CRLF1: variants seen among roughly 807,000 people sequenced by gnomAD.
The protein encoded by CRLF1 is cytokine receptor like factor 1.
Under a neutral mutation model 48.9 loss-of-function variants are expected in CRLF1, and 36 were observed. The ratio of observed to expected loss-of-function variants is 0.74; its 90% CI spans 0.56 to 0.97. The LOEUF is 0.97. Ranked by LOEUF, CRLF1 falls within the 50% of genes least tolerant of loss-of-function variation. CRLF1 has a pLI of 0.00. For missense variants in CRLF1, 534 were observed against 575.1 expected, an observed-to-expected ratio of 0.93 and a Z score of 0.73; for synonymous variants, 256 against 253.4, an observed-to-expected ratio of 1.01 and a Z score of -0.10.
At chr19:18,594,612 C>T (rs1976105821) in intron 6 of CRLF1, among the ~76,000 whole-genome samples, 178 bp from the exon 7 acceptor site, 1 of 151,758 alleles carries the variant, frequency 6.6e-6, no homozygotes, top group Non-Finnish European at 1.5e-5. Context: ...GCCCCTGGCC[C>T]GGCTGCGCCC....
chr19:18,604,811 C>T (rs1353529490), intron 1 of CRLF1, among the ~76,000 whole-genome samples: 1 of 152,222 alleles, frequency 6.6e-6, no homozygotes, highest in Admixed American at 6.5e-5. Context: ...CTCCCTGCCT[C>T]CCCTCCTTTC....
rs1245219503 is a variant in CRLF1 at position 18,593,355 on chromosome 19, C to T, written c.*211G>A. On this transcript the variant is annotated 3_prime_UTR_variant, in exon 9 of 9. Coordinates refer to ENST00000392386, the MANE Select transcript of CRLF1 (RefSeq NM_004750.5). ...AGGGGTTCTAGGCAACTCAACCAACCCTCACACACACACACACACCCACTG... is the reference window on the plus strand; with the variant it reads ...AGGGGTTCTAGGCAACTCAACCAACTCTCACACACACACACACACCCACTG... 1.6e-6 allele frequency: 1 copy of T among 637,410 alleles called. No homozygotes were observed. The highest frequency in any genetic ancestry group is 2.8e-5 in the East Asian group (1 of 35,610). 39.5% of individuals were successfully genotyped at this position (637,410 alleles called of 1,614,324 possible).
rs7247346 is a variant in CRLF1, at chr19:18,597,068, A to C, written c.698-19T>G. 0.66 allele frequency: 1,064,888 copies of C among 1,607,734 alleles called. 356,548 individuals are homozygous for C. The highest frequency in any genetic ancestry group is 0.92 in the African/African-American group (68,693 of 74,876). On this transcript the variant is annotated intron_variant, in intron 4 of 8. Transcript: ENST00000392386. Reference sequence around the variant, plus strand: ...GTGGTCACTGCGGGGCAGAGGAGGGACCCTCTCAGCCTGGGACTGTCTGGG... The same window carrying C: ...GTGGTCACTGCGGGGCAGAGGAGGGCCCCTCTCAGCCTGGGACTGTCTGGG...
intron 2 of CRLF1, 85 bp downstream of exon 2, chr19:18,599,480 C>T: frequency 6.3e-7 from 1 of 1,580,748 alleles, no homozygotes; most frequent in Non-Finnish European, 8.7e-7. Context: ...ATCCCCAGGC[C>T]AGAAGGCCCA....
Position 18,598,818 on chromosome 19 carries a change from C to A in CRLF1, c.481G>T (p.Gly161Trp), listed in dbSNP as rs141162071. ...LTCRWTPGAH[G>W]ETFLHTNYSL... ...TAGTTGGTGTGGAGGAAGGTCTCCC[C>A]GTGGGCCCCTGGCGTCCAGCGGCAG... The change falls in exon 3 of 9, where the codon GGG (glycine) becomes TGG (tryptophan). Residue 161 changes from glycine to tryptophan, a missense_variant. Coordinates refer to ENST00000392386, the MANE Select transcript of CRLF1 (RefSeq NM_004750.5). 7.9e-5 allele frequency: 127 copies of A among 1,613,962 alleles called. No homozygotes were observed. The highest frequency in any genetic ancestry group is 9.2e-5 in the Non-Finnish European group (109 of 1,179,996).
rs1976179407 is a variant in CRLF1, at chr19:18,598,802, T to C, written c.497A>G (p.His166Arg). The C allele has an allele frequency of 9.3e-6, 15 of 1,613,892 alleles. No homozygotes were observed. Among genetic ancestry groups the C allele is most frequent in the African/African-American group, 4.0e-5 (3 of 74,938 alleles). Residue 166 changes from histidine to arginine, a missense_variant, in exon 3 of 9, where the codon CAC becomes CGC. His to Arg is a conservative substitution (Grantham distance 29). Around this residue, in one of 2 missense-constraint regions of CRLF1, gnomAD observed 528 missense variants for 555.7 expected, o/e 0.95. Transcript: ENST00000392386. Reference protein sequence around the residue: ...TPGAHGETFLHTNYSLKYKLR... With the variant: ...TPGAHGETFLRTNYSLKYKLR... ...CTTGTACTTGAGGGAGTAGTTGGTG[T>C]GGAGGAAGGTCTCCCCGTGGGCCCC...
chr19:18,597,879 G>C (rs1976162893), intron 4 of CRLF1, among the ~76,000 whole-genome samples: 1 of 152,022 alleles, frequency 6.6e-6, no homozygotes, highest in Non-Finnish European at 1.5e-5. Flanking sequence ...TACAACCCAG[G>C]CGTATGTGTG....
rs1437427055 is a variant in CRLF1, at chr19:18,606,486, G to C, written c.115+56C>G. The C allele has an allele frequency of 2.7e-6, 3 of 1,096,542 alleles. No homozygotes were observed. Among genetic ancestry groups the C allele is most frequent in the Admixed American group, 5.3e-5 (1 of 18,978 alleles). 67.9% of individuals were successfully genotyped at this position (1,096,542 alleles called of 1,614,324 possible). A position where few individuals can be genotyped will look rare whatever the true frequency, so the allele number is the denominator to read the frequency against. ...GCCCCCTCCCCCCGCGGCTGCCCCCGGGGCGCCCGCCCTCTGCTCTGGCAG... is the reference window on the plus strand; with the variant it reads ...GCCCCCTCCCCCCGCGGCTGCCCCCCGGGCGCCCGCCCTCTGCTCTGGCAG... On this transcript the variant is annotated intron_variant, in intron 1 of 8. Transcript: ENST00000392386. This position sits in a 1 kb window ranked among gnomAD's most constrained non-coding sequence, Gnocchi z 4.8.
intron 8 of CRLF1, 36 bp downstream of exon 8, chr19:18,594,029 T>TGCGGGG (rs1976092374): frequency 2.6e-5 from 35 of 1,366,602 alleles, no homozygotes; most frequent in East Asian, 5.1e-5. Flanking sequence ...GCCCTCCCCT[T>TGCGGGG]GCTCCCTCCC....
At chr19:18,595,594 C>T (rs1434099830) in intron 6 of CRLF1, among the ~76,000 whole-genome samples, 2 of 152,248 alleles carry the variant, frequency 1.3e-5, no homozygotes, top group African/African-American at 4.8e-5. Context: ...TACCTCCATG[C>T]CAACTGCCTG....
At chr19:18,602,336 C>T (rs922005854) in intron 1 of CRLF1, among the ~76,000 whole-genome samples, 2 of 152,128 alleles carry the variant, frequency 1.3e-5, no homozygotes, top group Non-Finnish European at 2.9e-5. Context: ...TGGCTGGGTG[C>T]GGTGGCTCAT....
In CRLF1 at chr19:18,594,355, C is replaced by T; in HGVS notation, c.1104G>A (p.Lys368=). The change falls in exon 7 of 9, where the codon AAG becomes AAA. Residue 368 remains lysine (K), a synonymous_variant. Transcript: ENST00000392386. ...GCTTCTTGAGCCAGCCCAGGAACTG[C>T]TTGAGCTCGCGCCGCACCGGCCCCG... ...PSSGPVRREL[K]QFLGWLKKHA... 6.2e-7 allele frequency: 1 copy of T among 1,611,070 alleles called. No homozygotes were observed. The highest frequency in any genetic ancestry group is 8.5e-7 in the Non-Finnish European group (1 of 1,179,190).
Position 18,599,620 on chromosome 19 carries a change from G to A in CRLF1, c.342C>T (p.Leu114=), listed in dbSNP as rs139923667. The A allele has an allele frequency of 5.3e-5, 85 of 1,613,318 alleles. No homozygotes were observed. The highest frequency in any genetic ancestry group is 1.7e-4 in the Middle Eastern group (1 of 5,952). Residue 114 remains leucine, a synonymous_variant, in exon 2 of 9, where the codon CTC becomes CTT. Coordinates refer to ENST00000392386, the MANE Select transcript of CRLF1 (RefSeq NM_004750.5). Reference sequence around the variant, plus strand: ...TGCTGCCGTCACGGGCGTGGCACACGAGGTTGTCCCCCGACCGCTGCCTGG... The same window carrying A: ...TGCTGCCGTCACGGGCGTGGCACACAAGGTTGTCCCCCGACCGCTGCCTGG... ...NGSRQRSGDN[L]VCHARDGSIL...
Position 18,596,727 on chromosome 19 carries a change from A to G in CRLF1, c.919T>C (p.Tyr307His). The stretch of plus-strand genomic sequence containing the variant: ...GGGTTGCAGCGCACTTGCACGAAGT[A>G]CACGGTGCCGGGTTTCAGGCCGGCC... ...RLAGLKPGTVYFVQVRCNPFG... is the reference protein window; with the variant it reads ...RLAGLKPGTVHFVQVRCNPFG... The change falls in exon 6 of 9, where the codon TAC becomes CAC. Residue 307 changes from tyrosine to histidine, a missense_variant. Coordinates refer to ENST00000392386, the MANE Select transcript of CRLF1 (RefSeq NM_004750.5). 1 of 1,614,150 alleles carries G rather than the reference A, an allele frequency of 6.2e-7. No homozygotes were observed. Among genetic ancestry groups the G allele is most frequent in the Non-Finnish European group, 8.5e-7 (1 of 1,180,040 alleles).
In CRLF1 at chr19:18,598,450, G is replaced by C; in HGVS notation, c.679C>G (p.Leu227Val). The C allele has an allele frequency of 6.2e-7, 1 of 1,613,860 alleles. No individual in the cohort carries two copies. The highest frequency in any genetic ancestry group is 8.5e-7 in the Non-Finnish European group (1 of 1,179,844). ...GGCTCACCCACATCCAGGATATCCAGCGTGAGTACATCGGAGCGGGCAGAG... is the reference window on the plus strand; with the variant it reads ...GGCTCACCCACATCCAGGATATCCACCGTGAGTACATCGGAGCGGGCAGAG... ...LGSARSDVLT[L>V]DILDVVTTDP... is the part of the protein sequence containing the mutation. Residue 227 changes from leucine (L) to valine (V), a missense_variant, in exon 4 of 9, where the codon CTG (leucine) becomes GTG (valine). Transcript: ENST00000392386.
At chr19:18,599,157 G>C in intron 2 of CRLF1, 1 of 966,758 alleles carries the variant, frequency 1.0e-6, no homozygotes. Flanking sequence ...CCAGGCTGGA[G>C]TGCAATGGTG....
At chr19:18,600,862 G>T (rs559751600) in intron 1 of CRLF1, among the ~76,000 whole-genome samples, 1 of 152,240 alleles carries the variant, frequency 6.6e-6, no homozygotes, top group South Asian at 2.1e-4. Context: ...GGAGTGCAGT[G>T]GCACGATCAT....
intron 8 of CRLF1, 36 bp downstream of exon 8, chr19:18,594,029 T>TGGGGGG: frequency 1.5e-6 from 2 of 1,366,646 alleles, no homozygotes; most frequent in Non-Finnish European, 2.0e-6. Flanking sequence ...GCCCTCCCCT[T>TGGGGGG]GCTCCCTCCC....
intron 8 of CRLF1, 33 bp downstream of exon 8, chr19:18,594,032 T>TGTGGGG: frequency 2.7e-5 from 19 of 695,790 alleles, no homozygotes; most frequent in East Asian, 4.7e-5. Context: ...CTCCCCTTGC[T>TGTGGGG]CCCTCCCGCC....
Sources: gnomAD v4.1 joint callset for allele counts (sites outside exome capture counted in the v4.1 genomes callset) on GRCh38, gnomAD v4.1.1 for gene constraint, gnomAD v4.1.1 regional missense constraint, Gnocchi (gnomAD v3.1) non-coding constraint, MANE v1.5 for transcripts, NCBI Gene and HGNC (gene_info 2026-07-23, HGNC 2026-07-21) for gene names.